The following PGGT1B variants were observed in gnomAD, a reference collection of about 807,000 sequenced individuals.
PGGT1B encodes the protein geranylgeranyl transferase type-1 subunit beta.
A neutral mutation model predicts 46.1 loss-of-function variants in PGGT1B; 30 were observed. That is an observed-to-expected ratio of 0.65 (90% confidence interval 0.49 to 0.88). The LOEUF (loss-of-function observed/expected upper bound fraction) is 0.88. Ranked by LOEUF, PGGT1B falls within the 40% of genes least tolerant of loss-of-function variation. PGGT1B has a pLI of 0.00. For synonymous variants in PGGT1B, 170 were observed against 160.0 expected (o/e 1.06, Z -0.47); for missense variants, 376 against 455.9 (o/e 0.82, Z 1.60).
intron 2 of PGGT1B, among the ~76,000 whole-genome samples, chr5:115,243,345 T>C (rs1757407688): frequency 6.6e-6 from 1 of 152,186 alleles, no homozygotes; most frequent in African/African-American, 2.4e-5. Context: ...CCTCATGTAC[T>C]GAAAGAAACG....
chr5:115,226,923 G>A lies in PGGT1B; in HGVS notation c.658+4053C>T, dbSNP rs917031118. Among the ~76,000 whole-genome samples, 4 of 151,890 alleles carry A rather than the reference G, an allele frequency of 2.6e-5. No individual in the cohort carries two copies. In the East Asian group the frequency reaches 7.7e-4, roughly 29 times the overall value. ...ATAGAAAGATAGATTAAACTCTGAC[G>A]GTTATGAAAAGAGAAACAAGCAGAA... On this transcript the variant is annotated intron_variant, in intron 6 of 8. Transcript: ENST00000419445.
intron 6 of PGGT1B, among the ~76,000 whole-genome samples, chr5:115,223,149 G>C (rs1197993294): frequency 6.6e-6 from 1 of 152,024 alleles, no homozygotes; most frequent in Admixed American, 6.6e-5. Context: ...AGAAAAGAAT[G>C]GTGGGGGATG....
At chr5:115,226,147 A>G (rs1055479401) in intron 6 of PGGT1B, among the ~76,000 whole-genome samples, 7 of 152,140 alleles carry the variant, frequency 4.6e-5, no homozygotes, top group African/African-American at 1.7e-4. Context: ...CAATTCTTCC[A>G]AAACAAAAGG....
chr5:115,257,880 A>G (rs1000892102), intron 1 of PGGT1B, among the ~76,000 whole-genome samples: 1 of 152,260 alleles, frequency 6.6e-6, no homozygotes, highest in Non-Finnish European at 1.5e-5. Context: ...CTTAGATGAT[A>G]CATTAGACTT....
At position 115,252,263 on chromosome 5, in the gene PGGT1B, G is replaced by T. The variant is rs115880293; in HGVS notation, c.259+874C>A. Among the ~76,000 whole-genome samples the T allele has an allele frequency of 9.9e-3, 1,500 of 152,060 alleles. 24 individuals are homozygous for T. Among genetic ancestry groups the T allele is most frequent in the African/African-American group, 0.034 (1,394 of 41,538 alleles). ...TAATAAGACTTTGTAAATAGGCATA[G>T]ATTTAAAAAGTTATATAAAAACAAA... On this transcript the variant is annotated intron_variant, in intron 2 of 8. Transcript: ENST00000419445.
In PGGT1B at chr5:115,222,000, T is replaced by C; in HGVS notation, c.667A>G (p.Thr223Ala). 6.4e-7 allele frequency: 1 copy of C among 1,565,548 alleles called. No individual in the cohort carries two copies. The highest frequency in any genetic ancestry group is 2.0e-5 in the Admixed American group (1 of 51,192). The change falls in exon 7 of 9, where the codon ACT (threonine) becomes GCT (alanine). Residue 223 changes from threonine to alanine, a missense_variant. Around this residue, in one of 2 missense-constraint regions of PGGT1B, gnomAD observed 222 missense variants for 313.6 expected, o/e 0.71. Coordinates refer to ENST00000419445, the MANE Select transcript of PGGT1B (RefSeq NM_005023.4). ...GAGLESHGGS[T>A]FCGIASLCLM... ...CATAGTGAGGCAATGCCACAAAAAG[T>C]TGATCCTCCTGTTAATCAAAACCAC...
intron 7 of PGGT1B, among the ~76,000 whole-genome samples, chr5:115,217,608 C>T (rs909900775): frequency 5.3e-5 from 8 of 151,762 alleles, no homozygotes; most frequent in African/African-American, 1.7e-4. Flanking sequence ...ATGAGGTGCA[C>T]AGTAGGTAAG....
intron 2 of PGGT1B, among the ~76,000 whole-genome samples, chr5:115,248,562 C>A (rs2127024116): frequency 6.6e-6 from 1 of 152,314 alleles, no homozygotes; most frequent in African/African-American, 2.4e-5. Flanking sequence ...GGACCCGATC[C>A]TCCAGTGGTC....
intron 7 of PGGT1B, among the ~76,000 whole-genome samples, chr5:115,219,754 C>G (rs1257203849): frequency 6.6e-6 from 1 of 151,498 alleles, no homozygotes; most frequent in Non-Finnish European, 1.5e-5. Flanking sequence ...CAAAAGAAAC[C>G]AGATTTAAAA....
intron 3 of PGGT1B, among the ~76,000 whole-genome samples, chr5:115,239,435 C>G (rs763381575): frequency 2.0e-5 from 3 of 152,172 alleles, no homozygotes; most frequent in African/African-American, 7.2e-5. Flanking sequence ...AGAACTCAAG[C>G]TCTAGTTCTC....
intron 8 of PGGT1B, among the ~76,000 whole-genome samples, chr5:115,216,436 G>A (rs933720640): frequency 2.0e-5 from 3 of 152,104 alleles, no homozygotes; most frequent in South Asian, 2.1e-4. Context: ...CACTGTGCCC[G>A]GCCTATTTAA....
chr5:115,227,958 A>G (rs1466238880), intron 6 of PGGT1B, among the ~76,000 whole-genome samples: 1 of 152,202 alleles, frequency 6.6e-6, no homozygotes, highest in Non-Finnish European at 1.5e-5. Context: ...AACTGGTGTA[A>G]CTGGCAAATT....
At chr5:115,245,095 T>C (rs1482171922) in intron 2 of PGGT1B, among the ~76,000 whole-genome samples, 1 of 152,192 alleles carries the variant, frequency 6.6e-6, no homozygotes, top group Non-Finnish European at 1.5e-5. Context: ...ATTTCTACTT[T>C]TGATGGAAGA....
intron 3 of PGGT1B, among the ~76,000 whole-genome samples, chr5:115,238,533 G>T (rs1230817178): frequency 1.3e-5 from 2 of 151,536 alleles, no homozygotes; most frequent in African/African-American, 4.8e-5. Context: ...TATAAAGTCA[G>T]AAAAGCATAT....
At chr5:115,217,824 G>A (rs999313704) in intron 7 of PGGT1B, among the ~76,000 whole-genome samples, 9 of 151,730 alleles carry the variant, frequency 5.9e-5, no homozygotes, top group Non-Finnish European at 1.5e-5. Context: ...AGACTTTTTT[G>A]AATCTTGATG....
chr5:115,213,451 G>A (rs567049886), intron 8 of PGGT1B, among the ~76,000 whole-genome samples: 4 of 152,210 alleles, frequency 2.6e-5, no homozygotes, highest in East Asian at 1.9e-4. Flanking sequence ...TGAATTGGCC[G>A]ACATTTATGG....
Position 115,206,755 on chromosome 5 carries a change from G to C in PGGT1B, c.*5647C>G, listed in dbSNP as rs750082184. Reference sequence around the variant, plus strand: ...CATGTTTCTTTATGCTAAATCTATAGATAGAGAGTATCTGGGCCAAAAAGT... The same window carrying C: ...CATGTTTCTTTATGCTAAATCTATACATAGAGAGTATCTGGGCCAAAAAGT... On this transcript the variant is annotated 3_prime_UTR_variant, in exon 9 of 9. Coordinates refer to ENST00000419445, the MANE Select transcript of PGGT1B (RefSeq NM_005023.4). The C allele has an allele frequency of 6.8e-6, 1 of 147,924 alleles. No homozygotes were observed. Among genetic ancestry groups the C allele is most frequent in the African/African-American group, 2.7e-5 (1 of 37,640 alleles). The allele number at this position is 147,924 out of a possible 1,614,324, so 9.2% of individuals were successfully genotyped here. A position where few individuals can be genotyped will look rare whatever the true frequency, so the allele number is the denominator to read the frequency against.
intron 1 of PGGT1B, among the ~76,000 whole-genome samples, chr5:115,259,856 C>G (rs958762075): frequency 4.6e-5 from 7 of 152,206 alleles, no homozygotes; most frequent in Non-Finnish European, 8.8e-5. Context: ...TAAAAGCTAA[C>G]TGCCTAAACC....
intron 6 of PGGT1B, among the ~76,000 whole-genome samples, chr5:115,226,027 G>T (rs1756770623): frequency 7.6e-6 from 1 of 131,258 alleles, no homozygotes; most frequent in African/African-American, 2.8e-5. Context: ...TATTTTAAAA[G>T]AATCATGGAA....
Sources: gnomAD v4.1 joint callset for allele counts (sites outside exome capture counted in the v4.1 genomes callset) on GRCh38, gnomAD v4.1.1 for gene constraint, gnomAD v4.1.1 regional missense constraint, MANE v1.5 for transcripts, NCBI Gene and HGNC (gene_info 2026-07-23, HGNC 2026-07-21) for gene names.